DLG1: variants seen among roughly 807,000 people sequenced by gnomAD.
DLG1 encodes the protein discs large MAGUK scaffold protein 1.
In DLG1, 42 loss-of-function variants were observed where a neutral mutation model predicts 123.4. The observed-to-expected ratio is 0.34, with a 90% CI of 0.27 to 0.44. DLG1 has a LOEUF of 0.44. Ranked by LOEUF, DLG1 falls within the 20% of genes least tolerant of loss-of-function variation. DLG1 has a pLI of 1.00. For synonymous variants in DLG1, 317 were observed against 356.2 expected (o/e 0.89, Z 1.24); for missense variants, 942 against 1,082.6 (o/e 0.87, Z 1.82).
chr3:197,050,536 T>G (rs1726851153), intron 24 of DLG1, among the ~76,000 whole-genome samples: 1 of 152,032 alleles, frequency 6.6e-6, no homozygotes, highest in Non-Finnish European at 1.5e-5. Flanking sequence ...CCAACATGAG[T>G]GAATGTGGAG....
intron 4 of DLG1, chr3:197,225,936 A>G (rs929145364): frequency 2.6e-5 from 4 of 152,638 alleles, no homozygotes; most frequent in Admixed American, 6.5e-5. Flanking sequence ...AAAGCAATCC[A>G]AGTTTTTGAT....
rs555540841 is a variant in DLG1, at chr3:197,227,993, A to G, written c.319-33404T>C. Among the ~76,000 whole-genome samples the G allele has an allele frequency of 4.6e-5, 7 of 152,360 alleles. No individual in the cohort carries two copies. In the East Asian group the frequency reaches 1.2e-3, roughly 25 times the overall value. ...TTACTAAGTCAGAGCCATAGTTGTT[A>G]AGCTGTGGTTCTCAGCCTTTTTCAC... On this transcript the variant is annotated intron_variant, in intron 4 of 24. Transcript: ENST00000667157.
At chr3:197,059,046 A>C (rs889228827) in intron 23 of DLG1, among the ~76,000 whole-genome samples, 1 of 152,106 alleles carries the variant, frequency 6.6e-6, no homozygotes, top group South Asian at 2.1e-4. Context: ...CTGCCTCAGC[A>C]TCCCGAGTAG....
intron 7 of DLG1, among the ~76,000 whole-genome samples, chr3:197,140,875 G>A (rs1787614404): frequency 1.3e-5 from 2 of 152,166 alleles, no homozygotes; most frequent in African/African-American, 4.8e-5. Context: ...AGACCAACCT[G>A]AGAACTTAAC....
At chr3:197,208,044 A>G (rs1729495692) in intron 4 of DLG1, among the ~76,000 whole-genome samples, 1 of 146,040 alleles carries the variant, frequency 6.8e-6, no homozygotes, top group Non-Finnish European at 1.5e-5. Context: ...CTTAGTCCCT[A>G]AGAAAAAGAT....
chr3:197,185,788 T>C (rs1411335366), intron 5 of DLG1, among the ~76,000 whole-genome samples: 6 of 152,160 alleles, frequency 3.9e-5, no homozygotes, highest in Non-Finnish European at 8.8e-5. Flanking sequence ...ATGAAGATAC[T>C]GAATACAACT....
At chr3:197,288,672 G>T (rs1047578298) in intron 3 of DLG1, among the ~76,000 whole-genome samples, 1 of 128,878 alleles carries the variant, frequency 7.8e-6, no homozygotes, top group Non-Finnish European at 1.6e-5. Flanking sequence ...GGTGAGCTGA[G>T]ATCAAGCCAT....
intron 3 of DLG1, among the ~76,000 whole-genome samples, chr3:197,295,503 T>C (rs1212721098): frequency 6.6e-6 from 1 of 152,164 alleles, no homozygotes; most frequent in African/African-American, 2.4e-5. Context: ...AACTTCATTC[T>C]TAGAATTGGA....
intron 5 of DLG1, among the ~76,000 whole-genome samples, chr3:197,169,820 T>C (rs1056258882): frequency 6.6e-6 from 1 of 152,300 alleles, no homozygotes; most frequent in African/African-American, 2.4e-5. Context: ...GGTAAACTTG[T>C]GTCACTGGGA....
At chr3:197,270,858 C>T (rs1034900348) in intron 4 of DLG1, among the ~76,000 whole-genome samples, 4 of 152,188 alleles carry the variant, frequency 2.6e-5, no homozygotes, top group Admixed American at 1.3e-4. Context: ...TCTCATCAAC[C>T]TTTACACCTA....
intron 6 of DLG1, among the ~76,000 whole-genome samples, chr3:197,144,957 C>CA (rs1789955580): frequency 6.6e-6 from 1 of 152,148 alleles, no homozygotes; most frequent in South Asian, 2.1e-4. Flanking sequence ...GCTGAGACTA[C>CA]AGGCACATGC....
At chr3:197,171,530 G>C (rs537734237) in intron 5 of DLG1, among the ~76,000 whole-genome samples, 3 of 152,164 alleles carry the variant, frequency 2.0e-5, no homozygotes, top group South Asian at 4.2e-4. Context: ...AAGGTAAATA[G>C]GAAAACAGAT....
At chr3:197,169,255 C>T (rs1198401574) in intron 5 of DLG1, among the ~76,000 whole-genome samples, 2 of 152,158 alleles carry the variant, frequency 1.3e-5, no homozygotes, top group Non-Finnish European at 2.9e-5. Context: ...TTATTAAAGC[C>T]TTTTCTGCTT....
intron 6 of DLG1, among the ~76,000 whole-genome samples, chr3:197,143,656 T>C (rs1382521748): frequency 6.6e-6 from 1 of 152,222 alleles, no homozygotes; most frequent in Non-Finnish European, 1.5e-5. Flanking sequence ...TAATCATGTC[T>C]TCGAATGAAC....
intron 14 of DLG1, among the ~76,000 whole-genome samples, chr3:197,102,350 C>T (rs955961907): frequency 1.2e-4 from 18 of 152,154 alleles, no homozygotes; most frequent in African/African-American, 4.3e-4. Flanking sequence ...ATCTGTCTGT[C>T]TTGTATGTAT....
At chr3:197,084,775 T>TAGATAG (rs1308128867) in intron 16 of DLG1, among the ~76,000 whole-genome samples, 1 of 151,252 alleles carries the variant, frequency 6.6e-6, no homozygotes, top group Non-Finnish European at 1.5e-5. Context: ...TTTATATATA[T>TAGATAG]AGATAGATAT....
chr3:197,147,990 T>G (rs1048328815), intron 6 of DLG1, among the ~76,000 whole-genome samples: 1 of 150,908 alleles, frequency 6.6e-6, no homozygotes, highest in African/African-American at 2.4e-5. Context: ...AATAAATGAG[T>G]TCAGCAAGGT....
At chr3:197,055,198 C>T (rs781720688) in intron 23 of DLG1, among the ~76,000 whole-genome samples, 10 of 152,138 alleles carry the variant, frequency 6.6e-5, no homozygotes, top group Non-Finnish European at 1.2e-4. Context: ...GTGATCCTCT[C>T]GTCTCAGCCT....
In DLG1 at chr3:197,044,686, C is replaced by T; in HGVS notation, c.2619G>A (p.Val873=). 1 of 1,609,256 alleles carries T rather than the reference C, an allele frequency of 6.2e-7. No individual in the cohort carries two copies. The highest frequency in any genetic ancestry group is 8.5e-7 in the Non-Finnish European group (1 of 1,177,264). ...GDTLEDIYNQ[V]KQIIEEQSGS... ...CAGATTGTTCTTCTATGATCTGTTTCACTTGGTTGTAAATGTCTTCCAGCG... is the reference window on the plus strand; with the variant it reads ...CAGATTGTTCTTCTATGATCTGTTTTACTTGGTTGTAAATGTCTTCCAGCG... Residue 873 remains valine, a synonymous_variant, in exon 25 of 25, where the codon GTG becomes GTA. Transcript: ENST00000667157.
Sources: allele counts gnomAD v4.1 joint callset (sites outside exome capture counted in the v4.1 genomes callset), GRCh38; gene constraint gnomAD v4.1.1; transcripts MANE v1.5; gene names NCBI Gene and HGNC (gene_info 2026-07-23, HGNC 2026-07-21).